DNTT: variants seen among roughly 807,000 people sequenced by gnomAD.
The protein encoded by DNTT is DNA nucleotidylexotransferase.
In DNTT, 47 loss-of-function variants were observed where a neutral mutation model predicts 60.9. The observed-to-expected ratio is 0.77, with a 90% CI of 0.61 to 0.98. The LOEUF is 0.98. Ranked by LOEUF, DNTT falls within the 50% of genes least tolerant of loss-of-function variation. The pLI, the probability that DNTT is intolerant of heterozygous loss-of-function variation, is 0.00. For missense variants in DNTT, 665 were observed against 627.5 expected, an observed-to-expected ratio of 1.06 and a Z score of -0.64; for synonymous variants, 224 against 221.2, an observed-to-expected ratio of 1.01 and a Z score of -0.11.
rs768975861 is a variant in DNTT, at chr10:96,335,882, C to G, written c.1360-9C>G. 3.1e-6 allele frequency: 5 copies of G among 1,613,956 alleles called. No individual in the cohort carries two copies. The highest frequency in any genetic ancestry group is 2.2e-5 in the South Asian group (2 of 91,078). On this transcript the variant is annotated splice_polypyrimidine_tract_variant and intron_variant, in intron 9 of 10. Coordinates refer to ENST00000371174, the MANE Select transcript of DNTT (RefSeq NM_004088.4). ...TGTTAATAATTTATTTTAACTATCT[C>G]CTATCCAGCAGTTTGAGAGAGACCT...
chr10:96,334,564 TG>T (rs1845045137), intron 9 of DNTT, among the ~76,000 whole-genome samples: 1 of 152,240 alleles, frequency 6.6e-6, no homozygotes, highest in Non-Finnish European at 1.5e-5. Flanking sequence ...ACAAATTAAT[TG>T]TTCTCAGCCG....
intron 8 of DNTT, among the ~76,000 whole-genome samples, chr10:96,330,492 G>A (rs564307447): frequency 2.6e-5 from 4 of 152,160 alleles, no homozygotes; most frequent in South Asian, 2.1e-4. Flanking sequence ...TGTATTTTCC[G>A]GAGCTGGTGA....
At chr10:96,332,622 T>C in intron 9 of DNTT, 26 bp downstream of exon 9, 1 of 1,606,170 alleles carries the variant, frequency 6.2e-7, no homozygotes, top group Non-Finnish European at 8.5e-7. Flanking sequence ...ACCCATGGGA[T>C]GATGTTAGCT....
intron 1 of DNTT, among the ~76,000 whole-genome samples, chr10:96,313,218 T>C (rs1357226345): frequency 6.6e-6 from 1 of 152,170 alleles, no homozygotes; most frequent in Non-Finnish European, 1.5e-5. Context: ...ATTTTGGAAA[T>C]AGCCATCTCA....
At position 96,327,529 on chromosome 10, in the gene DNTT, T is replaced by A. The variant is rs1446786707; in HGVS notation, c.936T>A (p.Ser312Arg). The A allele has an allele frequency of 6.2e-7, 1 of 1,614,152 alleles. No individual in the cohort carries two copies. Among genetic ancestry groups the A allele is most frequent in the Admixed American group, 1.7e-5 (1 of 60,026 alleles). ...CCAGGGCAGAAGCAGAGGCCGTCAG[T>A]GTGCTGGTTAAAGAGGCTGTCTGGG... ...CVTRAEAEAV[S>R]VLVKEAVWAF... The change falls in exon 7 of 11, where the codon AGT becomes AGA. Residue 312 changes from serine (S) to arginine (R), a missense_variant. Physicochemically the swap from Ser to Arg is moderately radical, Grantham distance 110. Transcript: ENST00000371174.
intron 6 of DNTT, among the ~76,000 whole-genome samples, chr10:96,326,427 C>A (rs769912763): frequency 1.3e-5 from 2 of 152,182 alleles, no homozygotes; most frequent in Admixed American, 6.5e-5. Flanking sequence ...ATATGAATAC[C>A]ATTTTCTCTT....
chr10:96,328,928 A>G, intron 8 of DNTT, 98 bp downstream of exon 8: 1 of 1,181,670 alleles, frequency 8.5e-7, no homozygotes, highest in Non-Finnish European at 1.2e-6. Flanking sequence ...TGACCATCTA[A>G]TCAATTCTCA....
chr10:96,310,218 G>A lies in DNTT; in HGVS notation c.203+5518G>A, dbSNP rs190560099. On this transcript the variant is annotated intron_variant, in intron 1 of 10. Transcript: ENST00000371174. The stretch of plus-strand genomic sequence containing the variant: ...GCCTTTTGTTCCCATAAACACTGGG[G>A]CCTCTTTCCTATTGCCATCATTATG... Among the ~76,000 whole-genome samples, 412 of 152,240 alleles carry A rather than the reference G, an allele frequency of 2.7e-3. 1 individual carries two copies. Among genetic ancestry groups the A allele is most frequent in the Admixed American group, 5.0e-3 (77 of 15,284 alleles).
intron 1 of DNTT, among the ~76,000 whole-genome samples, chr10:96,316,635 C>G (rs751314018): frequency 6.6e-6 from 1 of 152,200 alleles, no homozygotes; most frequent in East Asian, 1.9e-4. Context: ...CCTTCTGGCC[C>G]CTGACCCTTT....
At chr10:96,315,189 T>C (rs909570934) in intron 1 of DNTT, among the ~76,000 whole-genome samples, 3 of 150,924 alleles carry the variant, frequency 2.0e-5, no homozygotes, top group African/African-American at 7.3e-5. Context: ...AAATTATTTG[T>C]GGCAAAGGAC....
chr10:96,322,570 C>T, intron 4 of DNTT, 87 bp from the exon 5 acceptor site: 2 of 1,082,624 alleles, frequency 1.8e-6, no homozygotes, highest in Non-Finnish European at 1.3e-6. Context: ...TCATGAGAAA[C>T]CAAACTACTA....
chr10:96,323,437 T>C (rs1844903553), intron 5 of DNTT, among the ~76,000 whole-genome samples: 1 of 152,138 alleles, frequency 6.6e-6, no homozygotes, highest in Admixed American at 6.5e-5. Flanking sequence ...ATTCCGTCCA[T>C]AGCTTTGGTC....
Position 96,324,319 on chromosome 10 carries a change from G to C in DNTT, c.804G>C (p.Arg268Ser), listed in dbSNP as rs1460858817. The C allele has an allele frequency of 6.2e-7, 1 of 1,613,904 alleles. No individual in the cohort carries two copies. Among genetic ancestry groups the C allele is most frequent in the Non-Finnish European group, 8.5e-7 (1 of 1,179,858 alleles). The part of the protein sequence containing the change: ...VGLKTSEKWF[R>S]MGFRTLSKVR... Reference sequence around the variant, plus strand: ...TGAAGACTTCTGAGAAGTGGTTCAGGATGGGTTTCAGAACTCTGAGTAAAG... The same window carrying C: ...TGAAGACTTCTGAGAAGTGGTTCAGCATGGGTTTCAGAACTCTGAGTAAAG... The change falls in exon 6 of 11, where the codon AGG (arginine) becomes AGC (serine). Residue 268 changes from arginine (R) to serine (S), a missense_variant. Physicochemically the swap from Arg to Ser is moderately radical, Grantham distance 110. Transcript: ENST00000371174.
chr10:96,327,427 A>C (rs375165351), intron 6 of DNTT, 41 bp from the exon 7 acceptor site: 176 of 1,613,848 alleles, frequency 1.1e-4, no homozygotes, highest in Non-Finnish European at 1.4e-4. Flanking sequence ...TGTTTCACAC[A>C]CGTGTCACTC....
At chr10:96,329,868 G>A (rs1281102808) in intron 8 of DNTT, among the ~76,000 whole-genome samples, 2 of 152,188 alleles carry the variant, frequency 1.3e-5, no homozygotes, top group South Asian at 2.1e-4. Context: ...CCTGTGGGAG[G>A]TCAAGCTGAG....
intron 2 of DNTT, among the ~76,000 whole-genome samples, chr10:96,318,895 C>G (rs1030792726): frequency 1.3e-4 from 19 of 151,994 alleles, no homozygotes; most frequent in African/African-American, 4.3e-4. Context: ...CTTTTTTTCT[C>G]TCACTGTGAT....
intron 10 of DNTT, among the ~76,000 whole-genome samples, chr10:96,336,953 A>AT (rs1177819620): frequency 6.6e-6 from 1 of 151,502 alleles, no homozygotes; most frequent in East Asian, 1.9e-4. Context: ...AAAAAAAAAA[A>AT]AAAAAGTAAT....
intron 1 of DNTT, among the ~76,000 whole-genome samples, chr10:96,317,340 T>C (rs1431029754): frequency 6.6e-6 from 1 of 152,240 alleles, no homozygotes; most frequent in Non-Finnish European, 1.5e-5. Context: ...TGAGATGATG[T>C]AGGTAAAGCA....
chr10:96,330,582 T>C (rs1053414162), intron 8 of DNTT, among the ~76,000 whole-genome samples: 1 of 152,148 alleles, frequency 6.6e-6, no homozygotes, highest in East Asian at 1.9e-4. Context: ...TCAAATGGTG[T>C]TTTTTCTTCA....
Sources: allele counts gnomAD v4.1 joint callset (sites outside exome capture counted in the v4.1 genomes callset), GRCh38; gene constraint gnomAD v4.1.1; transcripts MANE v1.5; gene names NCBI Gene and HGNC (gene_info 2026-07-23, HGNC 2026-07-21).